The following BRD10 variants were observed in gnomAD, a reference collection of about 807,000 sequenced individuals.
The protein encoded by BRD10 is bromodomain containing 10.
chr9:5,898,341 T>A, the BRD10 span, among the ~76,000 whole-genome samples: 2 of 152,184 alleles, frequency 1.3e-5, no homozygotes, highest in Admixed American at 6.5e-5. Flanking sequence ...ACACTCCACA[T>A]ATGGCCCAAA....
the BRD10 span, chr9:6,007,188 C>G: frequency 6.2e-7 from 1 of 1,609,528 alleles, no homozygotes; most frequent in Non-Finnish European, 8.5e-7. Flanking sequence ...GGACCGGGCT[C>G]GCTTACCGAG....
chr9:5,984,047 T>C, the BRD10 span, among the ~76,000 whole-genome samples: 1 of 149,268 alleles, frequency 6.7e-6, no homozygotes, highest in African/African-American at 2.5e-5. Flanking sequence ...ATAAAAACTT[T>C]TTCAGTCAAA....
the BRD10 span, among the ~76,000 whole-genome samples, chr9:5,933,304 C>A: frequency 3.3e-5 from 5 of 152,316 alleles, no homozygotes; most frequent in South Asian, 1.0e-3. Context: ...ACATGAATTT[C>A]ATAATTCAAA....
the BRD10 span, among the ~76,000 whole-genome samples, chr9:5,999,747 T>A: frequency 5.9e-5 from 9 of 152,188 alleles, no homozygotes; most frequent in Non-Finnish European, 1.0e-4. Flanking sequence ...GGTGTTCTTA[T>A]TGCCTGAATA....
chr9:6,005,608 T>C, the BRD10 span, among the ~76,000 whole-genome samples: 2 of 152,238 alleles, frequency 1.3e-5, no homozygotes, highest in Admixed American at 1.3e-4. Context: ...GTCATTCTCT[T>C]GCCTCATTCT....
At chr9:5,981,581 T>C in the BRD10 span, among the ~76,000 whole-genome samples, 1 of 152,254 alleles carries the variant, frequency 6.6e-6, no homozygotes, top group East Asian at 1.9e-4. Context: ...ATCCATCCAA[T>C]CTATTTATCA....
the BRD10 span, among the ~76,000 whole-genome samples, chr9:5,984,584 T>C: frequency 6.6e-6 from 1 of 152,084 alleles, no homozygotes; most frequent in Non-Finnish European, 1.5e-5. Flanking sequence ...GCCATAAATA[T>C]CTATGCATCT....
chr9:5,929,113 G>C, the BRD10 span: 1 of 1,608,156 alleles, frequency 6.2e-7, no homozygotes, highest in Non-Finnish European at 8.5e-7. Flanking sequence ...ACGTATCAAT[G>C]TACTATGTAA....
chr9:5,920,701 C>T, the BRD10 span: 28 of 1,613,710 alleles, frequency 1.7e-5, no homozygotes, highest in Middle Eastern at 1.6e-4. Context: ...GTACTGCTGC[C>T]GAATGTGGAA....
the BRD10 span, among the ~76,000 whole-genome samples, chr9:6,001,546 C>A: frequency 6.6e-6 from 1 of 152,170 alleles, no homozygotes; most frequent in Non-Finnish European, 1.5e-5. Flanking sequence ...AAATACCTAA[C>A]TTTTAATTAT....
the BRD10 span, among the ~76,000 whole-genome samples, chr9:5,993,667 C>T: frequency 6.6e-6 from 1 of 152,088 alleles, no homozygotes; most frequent in African/African-American, 2.4e-5. Flanking sequence ...CAACTTGCAA[C>T]CCAGCAAAAA....
the BRD10 span, among the ~76,000 whole-genome samples, chr9:5,912,612 T>C: frequency 1.3e-5 from 2 of 152,196 alleles, no homozygotes; most frequent in East Asian, 3.8e-4. Flanking sequence ...GAGAGGAGCC[T>C]TCAGGAAAGG....
chr9:5,890,527 T>C, the BRD10 span, among the ~76,000 whole-genome samples: 2 of 152,194 alleles, frequency 1.3e-5, no homozygotes, highest in African/African-American at 4.8e-5. Flanking sequence ...ATTTTCTTTT[T>C]GCAGGTAGAA....
the BRD10 span, among the ~76,000 whole-genome samples, chr9:5,888,398 T>C: frequency 1.1e-4 from 17 of 152,376 alleles, no homozygotes; most frequent in Middle Eastern, 3.4e-3. Context: ...TACATCATTT[T>C]AATGGGCATT....
the BRD10 span, among the ~76,000 whole-genome samples, chr9:6,000,839 T>A: frequency 2.0e-5 from 3 of 152,236 alleles, no homozygotes; most frequent in African/African-American, 7.2e-5. Context: ...TTTGAAGACA[T>A]TCAATCCTCA....
chr9:5,969,296 C>G, the BRD10 span: 1 of 1,613,860 alleles, frequency 6.2e-7, no homozygotes, highest in African/African-American at 1.3e-5. Context: ...CTGAGCTAAA[C>G]AAAGGAAATG....
At chr9:5,926,720 ACG>A in the BRD10 span, among the ~76,000 whole-genome samples, 2 of 151,870 alleles carry the variant, frequency 1.3e-5, no homozygotes, top group Non-Finnish European at 2.9e-5. Flanking sequence ...TTTAGTAGAG[ACG>A]GGGTTTCATC....
At chr9:5,975,438 T>G in the BRD10 span, among the ~76,000 whole-genome samples, 1 of 23,804 alleles carries the variant, frequency 4.2e-5, no homozygotes, top group African/African-American at 2.1e-4. Context: ...AAACTCCATC[T>G]CAAAAAAAAA....
chr9:5,978,306 T>G, the BRD10 span, among the ~76,000 whole-genome samples: 1 of 149,984 alleles, frequency 6.7e-6, no homozygotes, highest in African/African-American at 2.5e-5. Flanking sequence ...TATAGTTTTA[T>G]AAACTTTTAT....
Sources: gnomAD v4.1 joint callset for allele counts (sites outside exome capture counted in the v4.1 genomes callset) on GRCh38, gnomAD v4.1.1 for gene constraint, MANE v1.5 for transcripts, NCBI Gene and HGNC (gene_info 2026-07-23, HGNC 2026-07-21) for gene names.